Variants in RNF24 observed in about 807,000 individuals in gnomAD.
RNF24 encodes the protein ring finger protein 24.
Under a neutral mutation model 20.0 loss-of-function variants are expected in RNF24, and 14 were observed. The ratio of observed to expected loss-of-function variants is 0.70; its 90% CI spans 0.46 to 1.10. The LOEUF (loss-of-function observed/expected upper bound fraction) is 1.10, where lower values mean the gene tolerates loss of function less well. Among genes scored for constraint, RNF24 ranks in the 50% least tolerant of loss-of-function variants. The pLI is 0.00. For synonymous variants in RNF24, 45 were observed against 61.1 expected, an observed-to-expected ratio of 0.74 and a Z score of 1.23; for missense variants, 124 against 177.6, an observed-to-expected ratio of 0.70 and a Z score of 1.71.
chr20:3,971,905 C>T (rs1295364394), intron 1 of RNF24, among the ~76,000 whole-genome samples: 1 of 152,028 alleles, frequency 6.6e-6, no homozygotes, highest in Non-Finnish European at 1.5e-5. Flanking sequence ...ATGCTGTCTA[C>T]CTGAAACTCA....
At chr20:3,964,430 T>C (rs2091236636) in intron 1 of RNF24, among the ~76,000 whole-genome samples, 1 of 152,202 alleles carries the variant, frequency 6.6e-6, no homozygotes, top group Admixed American at 6.5e-5. Context: ...AATGGTAAAA[T>C]ATTAGAAATA....
At chr20:4,000,552 T>C (rs943759521) in intron 1 of RNF24, among the ~76,000 whole-genome samples, 2 of 152,068 alleles carry the variant, frequency 1.3e-5, no homozygotes, top group Non-Finnish European at 2.9e-5. Context: ...TTAATGCATA[T>C]ATAATCTCCT....
intron 1 of RNF24, among the ~76,000 whole-genome samples, chr20:4,008,528 A>G (rs1480065549): frequency 3.4e-5 from 4 of 117,274 alleles, no homozygotes; most frequent in Non-Finnish European, 6.6e-5. Context: ...TTATATATAT[A>G]TTATTTATAT....
At chr20:4,006,792 G>A (rs964083593) in intron 1 of RNF24, among the ~76,000 whole-genome samples, 5 of 152,236 alleles carry the variant, frequency 3.3e-5, no homozygotes, top group African/African-American at 1.2e-4. Flanking sequence ...GGCACATGGA[G>A]GGCCCAGGCC....
chr20:3,977,669 TCCTGGCTAACACGGTGAAACC>T (rs1008366649), intron 1 of RNF24, among the ~76,000 whole-genome samples: 13 of 151,722 alleles, frequency 8.6e-5, no homozygotes, highest in Admixed American at 1.3e-4. Flanking sequence ...ATCGAGACCA[TCCTGGCTAACACGGTGAAACC>T]CCGTGTCTAC....
intron 4 of RNF24, 91 bp downstream of exon 4, chr20:3,945,085 TC>T (rs1600635506): frequency 2.7e-6 from 4 of 1,501,028 alleles, no homozygotes; most frequent in East Asian, 2.4e-5. Context: ...CCTATTTTTT[TC>T]AACTACTGAG....
At chr20:3,952,541 G>T (rs2091092830) in intron 2 of RNF24, among the ~76,000 whole-genome samples, 1 of 147,532 alleles carries the variant, frequency 6.8e-6, no homozygotes, top group African/African-American at 2.5e-5. Context: ...ATCTTTATTT[G>T]CTTCTTTTCT....
In RNF24 at chr20:3,970,721, A is replaced by C. The variant is rs114637270; in HGVS notation, c.-7-6697T>G. Among the ~76,000 whole-genome samples the C allele has an allele frequency of 4.4e-3, 670 of 152,316 alleles. 2 individuals are homozygous for C. The highest frequency in any genetic ancestry group is 0.016 in the African/African-American group (649 of 41,566). ...AAAACTAAAACTAAGCGATGGGCTC[A>C]ACAGCAGAATGGAGAAGAAAGGGGA... On this transcript the variant is annotated intron_variant, in intron 1 of 5. Coordinates refer to ENST00000358395, the MANE Select transcript of RNF24 (RefSeq NM_001134337.3).
At chr20:3,985,430 T>C (rs987686195) in intron 1 of RNF24, among the ~76,000 whole-genome samples, 1 of 152,104 alleles carries the variant, frequency 6.6e-6, no homozygotes, top group East Asian at 1.9e-4. Context: ...TTCCTTTTAA[T>C]AGCCTTTGTG....
At chr20:3,961,959 T>TA (rs1447621309) in intron 2 of RNF24, among the ~76,000 whole-genome samples, 1 of 152,232 alleles carries the variant, frequency 6.6e-6, no homozygotes, top group Non-Finnish European at 1.5e-5. Flanking sequence ...TGCTTTATTA[T>TA]ATTGGAATTG....
chr20:3,979,849 T>A (rs1222570939), intron 1 of RNF24, among the ~76,000 whole-genome samples: 1 of 151,918 alleles, frequency 6.6e-6, no homozygotes, highest in Non-Finnish European at 1.5e-5. Context: ...TGTGTAGGTG[T>A]ATAAGTGTAA....
At chr20:3,936,201 CAGG>C (rs2090889373) in intron 4 of RNF24, among the ~76,000 whole-genome samples, 1 of 152,174 alleles carries the variant, frequency 6.6e-6, no homozygotes. Flanking sequence ...AGGACCTTCA[CAGG>C]AGGAGAATGG....
chr20:4,010,148 G>A (rs2122166103), intron 1 of RNF24, among the ~76,000 whole-genome samples: 1 of 152,212 alleles, frequency 6.6e-6, no homozygotes, highest in South Asian at 2.1e-4. Flanking sequence ...GCTGAGGTAG[G>A]CAGATCACGA....
rs911970745 is a variant in RNF24, at chr20:4,004,604, T to A, written c.-8+10833A>T. Among the ~76,000 whole-genome samples, 3 of 152,156 alleles carry A rather than the reference T, an allele frequency of 2.0e-5. No homozygotes were observed. The South Asian group carries it at 6.2e-4, about 32-fold the overall frequency. ...CTAGATCCAATGGCAAGTGTCTTTA[T>A]AAGAGAGAAAGAGAAGACCATATGA... On this transcript the variant is annotated intron_variant, in intron 1 of 5. Coordinates refer to ENST00000358395, the MANE Select transcript of RNF24 (RefSeq NM_001134337.3).
intron 1 of RNF24, among the ~76,000 whole-genome samples, chr20:4,001,136 G>A (rs557518497): frequency 1.3e-5 from 2 of 152,094 alleles, no homozygotes; most frequent in South Asian, 2.1e-4. Context: ...GCGTGGTGGC[G>A]TGCACCTGTA....
intron 1 of RNF24, among the ~76,000 whole-genome samples, chr20:3,978,958 T>G (rs1460165256): frequency 6.6e-6 from 1 of 151,616 alleles, no homozygotes; most frequent in Non-Finnish European, 1.5e-5. Context: ...ATACAAACAT[T>G]AGCCAGGCGC....
chr20:3,936,194 A>G (rs2090889326), intron 4 of RNF24, among the ~76,000 whole-genome samples: 1 of 152,174 alleles, frequency 6.6e-6, no homozygotes, highest in Non-Finnish European at 1.5e-5. Context: ...GACAGACAGG[A>G]CCTTCACAGG....
At chr20:3,959,328 C>T (rs1179830164) in intron 2 of RNF24, among the ~76,000 whole-genome samples, 2 of 152,162 alleles carry the variant, frequency 1.3e-5, no homozygotes, top group African/African-American at 2.4e-5. Context: ...AATGTCCAGT[C>T]ATTAATTTCT....
chr20:3,962,725 T>G (rs1187117346), intron 2 of RNF24, among the ~76,000 whole-genome samples: 1 of 152,122 alleles, frequency 6.6e-6, no homozygotes, highest in Non-Finnish European at 1.5e-5. Context: ...TTTTTTTTTT[T>G]TTGAGACGGA....
Sources: gnomAD v4.1 joint callset for allele counts (sites outside exome capture counted in the v4.1 genomes callset) on GRCh38, gnomAD v4.1.1 for gene constraint, MANE v1.5 for transcripts, NCBI Gene and HGNC (gene_info 2026-07-23, HGNC 2026-07-21) for gene names.